Variants in ALDH2 observed in about 807,000 individuals in gnomAD.
ALDH2 encodes aldehyde dehydrogenase 2 family member, also known as aldehyde dehydrogenase, mitochondrial.
ALDH2 carries 44 observed loss-of-function variants against 59.6 expected under a neutral mutation model. That is an observed-to-expected ratio of 0.74 (90% confidence interval 0.58 to 0.95). The LOEUF (loss-of-function observed/expected upper bound fraction) is 0.95. Among genes scored for constraint, ALDH2 ranks in the 40% least tolerant of loss-of-function variants. The pLI, the probability that ALDH2 is intolerant of heterozygous loss-of-function variation, is 0.00. For missense variants in ALDH2, 570 were observed against 696.3 expected (o/e 0.82, Z 2.04); for synonymous variants, 291 against 284.0 (o/e 1.02, Z -0.25).
In ALDH2 at chr12:111,798,330, TCTG is replaced by T. The variant is rs1482420536; in HGVS notation, c.1248+92_1248+94del. On this transcript the variant is annotated intron_variant, in intron 10 of 12. Transcript: ENST00000261733. ...CCTGGCATCCTGATGCTGTCACCCA[TCTG>T]CTGGCTTGGGGCCAGATCTCAAGTT... 15 of 1,416,224 alleles carry T rather than the reference TCTG, an allele frequency of 1.1e-5. No homozygotes were observed. In the Admixed American group the frequency reaches 3.0e-4, roughly 29 times the overall value. The allele number at this position is 1,416,224 out of a possible 1,614,324, so 87.7% of individuals were successfully genotyped here.
chr12:111,767,037 G>C lies in ALDH2; in HGVS notation c.55G>C (p.Ala19Pro), dbSNP rs1441105785. 5 of 1,527,058 alleles carry C rather than the reference G, an allele frequency of 3.3e-6. No homozygotes were observed. The highest frequency in any genetic ancestry group is 4.4e-6 in the Non-Finnish European group (5 of 1,143,042). 94.6% of individuals were successfully genotyped at this position (1,527,058 alleles called of 1,614,324 possible). A position where few individuals can be genotyped will look rare whatever the true frequency, so the allele number is the denominator to read the frequency against. ...GPRLGRRLLSAAATQAVPAPN... is the reference protein window; with the variant it reads ...GPRLGRRLLSPAATQAVPAPN... ...CCGCCTGGGCCGCCGCCTCTTGTCAGCCGCCGCCACCCAGGCCGTGCCTGC... is the reference window on the plus strand; with the variant it reads ...CCGCCTGGGCCGCCGCCTCTTGTCACCCGCCGCCACCCAGGCCGTGCCTGC... Residue 19 changes from alanine to proline, a missense_variant, in exon 1 of 13, where the codon GCC (alanine) becomes CCC (proline). By Grantham distance (27) the Ala-to-Pro change is conservative. Coordinates refer to ENST00000261733, the MANE Select transcript of ALDH2 (RefSeq NM_000690.4).
At chr12:111,803,534 G>A (rs2068470450) in intron 11 of ALDH2, among the ~76,000 whole-genome samples, 1 of 152,088 alleles carries the variant, frequency 6.6e-6, no homozygotes, top group African/African-American at 2.4e-5. Flanking sequence ...AAGACCAGGA[G>A]TTGGAGACCA....
chr12:111,810,470 C>G lies in ALDH2; in HGVS notation c.*895C>G, dbSNP rs2136030988. 6.6e-6 allele frequency: 1 copy of G among 152,204 alleles called. No homozygotes were observed. The highest frequency in any genetic ancestry group is 2.1e-4 in the South Asian group (1 of 4,822). The allele number at this position is 152,204 out of a possible 1,614,324, so 9.4% of individuals were successfully genotyped here. On this transcript the variant is annotated 3_prime_UTR_variant, in exon 13 of 13. Coordinates refer to ENST00000261733, the MANE Select transcript of ALDH2 (RefSeq NM_000690.4). ...CCAATAAGAATGTGCTTGAATGTTT[C>G]ATGCATTTAATTTGTTTCATGCATT...
At chr12:111,808,485 A>C (rs1431154728) in intron 12 of ALDH2, among the ~76,000 whole-genome samples, 1 of 152,056 alleles carries the variant, frequency 6.6e-6, no homozygotes, top group Admixed American at 6.6e-5. Context: ...CAGGTGAATC[A>C]CCTGAGGTCA....
At chr12:111,767,496 C>T (rs2068167800) in intron 1 of ALDH2, among the ~76,000 whole-genome samples, 1 of 152,194 alleles carries the variant, frequency 6.6e-6, no homozygotes, top group African/African-American at 2.4e-5. Context: ...ATCCCCTTTA[C>T]CCCCTGACTC....
chr12:111,792,790 A>T lies in ALDH2; in HGVS notation c.1083+8A>T, dbSNP rs200164179. 1 of 1,546,632 alleles carries T rather than the reference A, an allele frequency of 6.5e-7. No homozygotes were observed. The highest frequency in any genetic ancestry group is 8.7e-7 in the Non-Finnish European group (1 of 1,146,634). On this transcript the variant is annotated splice_region_variant and intron_variant, in intron 9 of 12. Coordinates refer to ENST00000261733, the MANE Select transcript of ALDH2 (RefSeq NM_000690.4). Reference sequence around the variant, plus strand: ...ACCGAGCAGGGGCCGCAGGTGAGCCAGGCAGTGCCGCAGGGTCTGGGTGTC... The same window carrying T: ...ACCGAGCAGGGGCCGCAGGTGAGCCTGGCAGTGCCGCAGGGTCTGGGTGTC...
chr12:111,785,237 A>G (rs374555554), intron 3 of ALDH2, 30 bp from the exon 4 acceptor site: 18 of 1,574,726 alleles, frequency 1.1e-5, no homozygotes, highest in South Asian at 8.9e-5. Flanking sequence ...TCCTGCACCC[A>G]TGTCTCTGCT....
rs868143172 is a variant in ALDH2, at chr12:111,791,307, C to T, written c.683C>T (p.Ala228Val). 2 of 1,613,290 alleles carry T rather than the reference C, an allele frequency of 1.2e-6. No homozygotes were observed. Among genetic ancestry groups the T allele is most frequent in the Middle Eastern group, 1.7e-4 (1 of 6,060 alleles). The part of the protein sequence containing the change: ...ALYVANLIKE[A>V]GFPPGVVNIV... ...TGTCCCCTGGCTGTTTGCTCACAGG[C>T]TGGCTTTCCCCCTGGTGTGGTCAAC... is the stretch of plus-strand genomic sequence containing the variant. Residue 228 changes from alanine to valine, a missense_variant and splice_region_variant, in exon 7 of 13, where the codon GCT (alanine) becomes GTT (valine). Transcript: ENST00000261733.
chr12:111,790,691 A>C lies in ALDH2; in HGVS notation c.681+129A>C, dbSNP rs562275567. 3.8e-5 allele frequency: 47 copies of C among 1,243,600 alleles called. No homozygotes were observed. In the East Asian group the frequency reaches 1.0e-3, roughly 27 times the overall value. The allele number at this position is 1,243,600 out of a possible 1,614,324, so 77.0% of individuals were successfully genotyped here. On this transcript the variant is annotated intron_variant, in intron 6 of 12. Transcript: ENST00000261733. ...TTGTGGAGCCCCCATCACCATGTGAACCAGAGTGGCTCCCTCTTAGCTTTT... is the reference window on the plus strand; with the variant it reads ...TTGTGGAGCCCCCATCACCATGTGACCCAGAGTGGCTCCCTCTTAGCTTTT...
At chr12:111,789,752 C>T (rs936155794) in intron 4 of ALDH2, 71 bp from the exon 5 acceptor site, 3 of 1,326,472 alleles carry the variant, frequency 2.3e-6, no homozygotes, top group African/African-American at 1.4e-5. Flanking sequence ...TTTGAGTCTT[C>T]TCTTTCTGCC....
intron 11 of ALDH2, among the ~76,000 whole-genome samples, 159 bp downstream of exon 11, chr12:111,800,222 T>C (rs1244083915): frequency 2.0e-5 from 3 of 152,034 alleles, no homozygotes; most frequent in Non-Finnish European, 4.4e-5. Flanking sequence ...CTACCTCACC[T>C]CCGAAGGATC....
chr12:111,807,263 A>AAAAAC (rs545281923), intron 12 of ALDH2, among the ~76,000 whole-genome samples: 35 of 152,078 alleles, frequency 2.3e-4, no homozygotes, highest in Non-Finnish European at 4.6e-4. Context: ...ACTCTGTCTC[A>AAAAAC]AAAACAAAAC....
intron 1 of ALDH2, among the ~76,000 whole-genome samples, chr12:111,780,716 T>C (rs994017125): frequency 2.6e-5 from 4 of 152,202 alleles, no homozygotes; most frequent in Admixed American, 1.3e-4. Context: ...CTTTATTTCC[T>C]GGGCACCATG....
chr12:111,803,814 C>G (rs904050355), intron 11 of ALDH2, 45 bp from the exon 12 acceptor site: 2 of 1,428,374 alleles, frequency 1.4e-6, no homozygotes, highest in Non-Finnish European at 1.9e-6. Flanking sequence ...GAGTGTAACC[C>G]ATAACCCCCA....
chr12:111,768,364 A>T (rs1458081415), intron 1 of ALDH2, among the ~76,000 whole-genome samples: 1 of 152,206 alleles, frequency 6.6e-6, no homozygotes, highest in Non-Finnish European at 1.5e-5. Flanking sequence ...GCAAATCTGG[A>T]TATAGGTGAT....
chr12:111,781,780 G>A lies in ALDH2; in HGVS notation c.115-138G>A, dbSNP rs144739856. The A allele has an allele frequency of 3.4e-4, 218 of 637,166 alleles. No individual in the cohort carries two copies. The African/African-American group carries it at 3.6e-3, about 10-fold the overall frequency. 39.5% of individuals were successfully genotyped at this position (637,166 alleles called of 1,614,324 possible). ...CTGGCCTAGATTGTCTGCAAGGCCT[G>A]TGCTTTTCATTTGTAGGCTACACCA... On this transcript the variant is annotated intron_variant, in intron 1 of 12. Transcript: ENST00000261733.
intron 1 of ALDH2, among the ~76,000 whole-genome samples, chr12:111,769,912 G>A (rs1016146750): frequency 2.0e-5 from 3 of 152,080 alleles, no homozygotes; most frequent in Non-Finnish European, 4.4e-5. Context: ...TTGCAAGACT[G>A]AAGCAGGCGG....
intron 1 of ALDH2, among the ~76,000 whole-genome samples, chr12:111,771,321 A>G (rs1431979523): frequency 6.6e-6 from 1 of 152,028 alleles, no homozygotes; most frequent in Admixed American, 6.6e-5. Context: ...TGCTTGAGCC[A>G]AGGAGTTTGA....
chr12:111,794,851 G>A (rs918238907), intron 9 of ALDH2, among the ~76,000 whole-genome samples: 1 of 152,008 alleles, frequency 6.6e-6, no homozygotes, highest in Non-Finnish European at 1.5e-5. Flanking sequence ...TATAATTCAC[G>A]TAGCATAAAA....
Sources: gnomAD v4.1 joint callset for allele counts (sites outside exome capture counted in the v4.1 genomes callset) on GRCh38, gnomAD v4.1.1 for gene constraint, MANE v1.5 for transcripts, NCBI Gene and HGNC (gene_info 2026-07-23, HGNC 2026-07-21) for gene names.